LCOR: variants seen among roughly 807,000 people sequenced by gnomAD.
LCOR encodes the protein ligand-dependent corepressor.
A neutral mutation model predicts 64.4 loss-of-function variants in LCOR; 14 were observed. The observed-to-expected ratio is 0.22, with a 90% CI of 0.14 to 0.34. LCOR has a LOEUF of 0.34. Among genes scored for constraint, LCOR ranks in the 10% least tolerant of loss-of-function variants. The pLI, the probability that LCOR is intolerant of heterozygous loss-of-function variation, is 1.00. For missense variants in LCOR, 1,686 were observed against 1,765.3 expected (o/e 0.96, Z 0.80); for synonymous variants, 643 against 642.5 (o/e 1.00, Z -0.01).
At chr10:96,852,762 G>A (rs1845741901) in intron 2 of LCOR, among the ~76,000 whole-genome samples, 1 of 152,084 alleles carries the variant, frequency 6.6e-6, no homozygotes, top group Admixed American at 6.6e-5. Flanking sequence ...TAGAAGGAGA[G>A]TTCCATGATG....
At chr10:96,884,627 G>A (rs1359847178) in intron 2 of LCOR, among the ~76,000 whole-genome samples, 3 of 152,178 alleles carry the variant, frequency 2.0e-5, no homozygotes, top group Non-Finnish European at 4.4e-5. Flanking sequence ...ACCATTTCCA[G>A]ATATTCTGAT....
At chr10:96,857,704 C>T (rs972856026) in intron 2 of LCOR, among the ~76,000 whole-genome samples, 5 of 152,112 alleles carry the variant, frequency 3.3e-5, no homozygotes, top group African/African-American at 4.8e-5. Flanking sequence ...TGAACAAAAC[C>T]GCTACCCTAG....
In LCOR at chr10:96,944,099, A is replaced by C. The variant is rs1847545966; in HGVS notation, c.-183-14A>C. 2 of 985,544 alleles carry C rather than the reference A, an allele frequency of 2.0e-6. No homozygotes were observed. The highest frequency in any genetic ancestry group is 1.2e-6 in the Non-Finnish European group (1 of 829,906). 61.0% of individuals were successfully genotyped at this position (985,544 alleles called of 1,614,324 possible). The stretch of plus-strand genomic sequence containing the variant: ...AAGACGTGTGTGCAACTATTTCACC[A>C]AGTATTTTTGCAGGGACACTTAGTC... On this transcript the variant is annotated splice_polypyrimidine_tract_variant and intron_variant, in intron 4 of 7. Transcript: ENST00000421806.
At chr10:96,931,803 A>G (rs551574499) in intron 4 of LCOR, among the ~76,000 whole-genome samples, 75 of 152,356 alleles carry the variant, frequency 4.9e-4, no homozygotes, top group African/African-American at 1.6e-3. Context: ...CCTTTTCATA[A>G]TGACAAGAAA....
chr10:96,902,620 C>G (rs1440056257), intron 2 of LCOR, among the ~76,000 whole-genome samples: 2 of 152,120 alleles, frequency 1.3e-5, no homozygotes, highest in Non-Finnish European at 2.9e-5. Context: ...ATTATTACCA[C>G]AATTACTATT....
intron 2 of LCOR, among the ~76,000 whole-genome samples, chr10:96,891,530 C>CTTGTTTTTTTTTTTTTTTTTTTTTTTTTT (rs1846442611): frequency 1.3e-4 from 1 of 7,638 alleles, no homozygotes; most frequent in Non-Finnish European, 2.4e-4. Flanking sequence ...TGTCTTGACT[C>CTTGTTTTTTTTTTTTTTTTTTTTTTTTTT]TTTTTTTTTT....
chr10:96,897,477 A>G (rs928774028), intron 2 of LCOR, among the ~76,000 whole-genome samples: 1 of 152,228 alleles, frequency 6.6e-6, no homozygotes, highest in South Asian at 2.1e-4. Context: ...TTGATATACT[A>G]GAAAAAATGA....
chr10:96,978,651 C>G (rs1037812778), intron 7 of LCOR, among the ~76,000 whole-genome samples: 1 of 152,168 alleles, frequency 6.6e-6, no homozygotes, highest in Non-Finnish European at 1.5e-5. Context: ...ATGGCACTAC[C>G]GACTAAAACT....
At chr10:96,965,506 C>A (rs544448735) in intron 7 of LCOR, among the ~76,000 whole-genome samples, 1 of 150,072 alleles carries the variant, frequency 6.7e-6, no homozygotes, top group East Asian at 2.0e-4. Context: ...ACTAAAAATA[C>A]AAAAAATTAG....
intron 2 of LCOR, among the ~76,000 whole-genome samples, chr10:96,904,652 A>G (rs1178171087): frequency 6.6e-6 from 1 of 152,194 alleles, no homozygotes; most frequent in Non-Finnish European, 1.5e-5. Context: ...ATGTAAAGGT[A>G]GTTTTTAAGC....
At chr10:96,955,139 C>T in intron 7 of LCOR, 1 of 1,614,176 alleles carries the variant, frequency 6.2e-7, no homozygotes, top group Non-Finnish European at 8.5e-7. Flanking sequence ...CCACAGCTGC[C>T]AGCCTTGGGC....
At chr10:96,893,303 G>C (rs1472498830) in intron 2 of LCOR, among the ~76,000 whole-genome samples, 1 of 152,082 alleles carries the variant, frequency 6.6e-6, no homozygotes, top group African/African-American at 2.4e-5. Flanking sequence ...AACAAAAGAG[G>C]CATTAACAAA....
At chr10:96,883,260 C>T (rs553948273) in intron 2 of LCOR, among the ~76,000 whole-genome samples, 5 of 152,246 alleles carry the variant, frequency 3.3e-5, no homozygotes, top group African/African-American at 1.2e-4. Flanking sequence ...TCTTGAACTC[C>T]AACCTCAGGT....
intron 5 of LCOR, among the ~76,000 whole-genome samples, chr10:96,946,743 C>G (rs1037726348): frequency 6.6e-6 from 1 of 152,062 alleles, no homozygotes; most frequent in East Asian, 1.9e-4. Flanking sequence ...ACTGTGTTTT[C>G]ATTCAATAAA....
Position 96,981,508 on chromosome 10 carries a change from G to A in LCOR, c.1048G>A (p.Glu350Lys), listed in dbSNP as rs1848085477. 1.9e-6 allele frequency: 3 copies of A among 1,614,080 alleles called. No homozygotes were observed. Among genetic ancestry groups the A allele is most frequent in the Admixed American group, 1.7e-5 (1 of 60,000 alleles). ...QRNLFKALSE[E>K]AWNSGFMGNS... The stretch of plus-strand genomic sequence containing the variant: ...AAATTTGTTCAAAGCTTTATCAGAA[G>A]AGGCTTGGAACTCAGGGTTTATGGG... The change falls in exon 8 of 8, where the codon GAG becomes AAG. Residue 350 changes from glutamate to lysine, a missense_variant. Around this residue, in one of 3 missense-constraint regions of LCOR, gnomAD observed 313 missense variants for 247.2 expected, o/e 1.27. Coordinates refer to ENST00000421806, the MANE Select transcript of LCOR (RefSeq NM_001346516.2).
intron 4 of LCOR, among the ~76,000 whole-genome samples, chr10:96,920,751 T>TATATATGTGTATATATGTATAC (rs761907103): frequency 2.5e-5 from 3 of 118,884 alleles, no homozygotes; most frequent in Admixed American, 8.8e-5. Flanking sequence ...TATATATGTA[T>TATATATGTGTATATATGTATAC]ACACACACAC....
In LCOR at chr10:96,989,722, T is replaced by C. The variant is rs923993384; in HGVS notation, c.*4588T>C. 7.6e-6 allele frequency: 1 copy of C among 131,890 alleles called. No homozygotes were observed. Among genetic ancestry groups the C allele is most frequent in the African/African-American group, 2.9e-5 (1 of 34,356 alleles). 8.2% of individuals were successfully genotyped at this position (131,890 alleles called of 1,614,324 possible). On this transcript the variant is annotated 3_prime_UTR_variant, in exon 8 of 8. Transcript: ENST00000421806. ...TTTTTTTTTTTTTTTTTTTTTTTAA[T>C]AGAGACGAGGTTACGCTATGTTGCC...
intron 4 of LCOR, among the ~76,000 whole-genome samples, chr10:96,917,629 A>C (rs753952089): frequency 1.3e-5 from 2 of 152,148 alleles, no homozygotes; most frequent in Non-Finnish European, 2.9e-5. Flanking sequence ...TGGTTTGGTA[A>C]TTGTTTTTAG....
intron 4 of LCOR, among the ~76,000 whole-genome samples, chr10:96,934,971 A>T (rs1034674375): frequency 1.3e-5 from 2 of 152,078 alleles, no homozygotes; most frequent in African/African-American, 4.8e-5. Context: ...ATATTCCTAA[A>T]TTTATTAGGA....
Sources: allele counts gnomAD v4.1 joint callset (sites outside exome capture counted in the v4.1 genomes callset), GRCh38; gene constraint gnomAD v4.1.1; regional missense constraint gnomAD v4.1.1; transcripts MANE v1.5; gene names NCBI Gene and HGNC (gene_info 2026-07-23, HGNC 2026-07-21).